The following MAP2K4 variants were observed in gnomAD, a reference collection of about 807,000 sequenced individuals.
The protein encoded by MAP2K4 is dual specificity mitogen-activated protein kinase kinase 4.
Under a neutral mutation model 48.5 loss-of-function variants are expected in MAP2K4, and 4 were observed. The ratio of observed to expected loss-of-function variants is 0.08; its 90% CI spans 0.04 to 0.19. MAP2K4 has a LOEUF of 0.19. Ranked by LOEUF, MAP2K4 falls within the 10% of genes least tolerant of loss-of-function variation. MAP2K4 has a pLI of 1.00. For synonymous variants in MAP2K4, 166 were observed against 173.1 expected, an observed-to-expected ratio of 0.96 and a Z score of 0.32; for missense variants, 258 against 493.3, an observed-to-expected ratio of 0.52 and a Z score of 4.52.
intron 4 of MAP2K4, among the ~76,000 whole-genome samples, chr17:12,097,024 A>T (rs1396236047): frequency 4.6e-5 from 7 of 152,196 alleles, no homozygotes; most frequent in Non-Finnish European, 8.8e-5. Context: ...CCGTTACATC[A>T]GTATACAGTC....
chr17:12,022,839 A>T (rs1221164208), intron 1 of MAP2K4, among the ~76,000 whole-genome samples: 1 of 152,214 alleles, frequency 6.6e-6, no homozygotes, highest in Non-Finnish European at 1.5e-5. Context: ...GCTTGATAAG[A>T]TGGTCAGAGA....
intron 3 of MAP2K4, among the ~76,000 whole-genome samples, chr17:12,091,404 C>T (rs1971559551): frequency 6.6e-6 from 1 of 152,162 alleles, no homozygotes; most frequent in African/African-American, 2.4e-5. Context: ...ACAAGGGGAT[C>T]ATTTGTAACT....
chr17:12,095,938 T>C (rs1363087839), intron 4 of MAP2K4, among the ~76,000 whole-genome samples: 2 of 151,352 alleles, frequency 1.3e-5, no homozygotes, highest in African/African-American at 4.9e-5. Context: ...TATTTTAGTA[T>C]TGGTGGCTGT....
At chr17:12,073,967 G>A (rs946643955) in intron 2 of MAP2K4, among the ~76,000 whole-genome samples, 1 of 151,674 alleles carries the variant, frequency 6.6e-6, no homozygotes, top group Admixed American at 6.6e-5. Flanking sequence ...AGAGACGGGG[G>A]TTCACCATGT....
At chr17:12,047,786 TCTA>T (rs1218007368) in intron 1 of MAP2K4, among the ~76,000 whole-genome samples, 1 of 152,212 alleles carries the variant, frequency 6.6e-6, no homozygotes, top group Admixed American at 6.5e-5. Context: ...ACTTTTCATG[TCTA>T]CTGTTTGCCA....
intron 2 of MAP2K4, among the ~76,000 whole-genome samples, chr17:12,066,390 A>G (rs1193635000): frequency 6.6e-6 from 1 of 152,210 alleles, no homozygotes; most frequent in Non-Finnish European, 1.5e-5. Context: ...CATAATTTAT[A>G]TAGATCCTTA....
At chr17:12,095,822 T>A in intron 4 of MAP2K4, 128 bp downstream of exon 4, 1 of 1,164,416 alleles carries the variant, frequency 8.6e-7, no homozygotes, top group African/African-American at 1.5e-5. Flanking sequence ...TCTTAGTGTT[T>A]AACCATGGTA....
chr17:12,102,144 C>CAT (rs1163302505), intron 4 of MAP2K4, among the ~76,000 whole-genome samples: 3 of 151,816 alleles, frequency 2.0e-5, no homozygotes, highest in South Asian at 4.2e-4. Flanking sequence ...GTGGACTTTT[C>CAT]ATATATATAT....
At chr17:12,136,716 CATCATAAGTTT>C (rs1319412892) in intron 9 of MAP2K4, among the ~76,000 whole-genome samples, 1 of 152,142 alleles carries the variant, frequency 6.6e-6, no homozygotes, top group Non-Finnish European at 1.5e-5. Context: ...ACCCAAATAG[CATCATAAGTTT>C]ATACACTGAC....
At chr17:12,070,259 T>C (rs1474884361) in intron 2 of MAP2K4, among the ~76,000 whole-genome samples, 1 of 151,386 alleles carries the variant, frequency 6.6e-6, no homozygotes, top group African/African-American at 2.4e-5. Flanking sequence ...AGAAATCAAG[T>C]TCTCATGTGC....
At chr17:12,054,773 A>G (rs1970237496) in intron 1 of MAP2K4, 116 bp from the exon 2 acceptor site, 2 of 611,150 alleles carry the variant, frequency 3.3e-6, no homozygotes, top group Non-Finnish European at 3.0e-6. Flanking sequence ...ATTGTCCTAT[A>G]TTAACTGTTT....
At chr17:12,027,199 A>G (rs1159506760) in intron 1 of MAP2K4, among the ~76,000 whole-genome samples, 1 of 152,178 alleles carries the variant, frequency 6.6e-6, no homozygotes, top group Non-Finnish European at 1.5e-5. Flanking sequence ...GAAAGTATTC[A>G]AGTCGTAAGA....
At chr17:12,119,607 G>A (rs1597487341) in intron 7 of MAP2K4, among the ~76,000 whole-genome samples, 1 of 152,328 alleles carries the variant, frequency 6.6e-6, no homozygotes, top group African/African-American at 2.4e-5. Context: ...AAACAGAATT[G>A]TCATTCAACC....
In MAP2K4 at chr17:12,107,220, A is replaced by G. The variant is rs142051714; in HGVS notation, c.514-570A>G. On this transcript the variant is annotated intron_variant, in intron 4 of 10. Coordinates refer to ENST00000353533, the MANE Select transcript of MAP2K4 (RefSeq NM_003010.4). ...ATAATAAATAAGTAAATTACACTTT[A>G]TATTAGAGGATGATGAAGGCTTTAC... is the stretch of plus-strand genomic sequence containing the variant. 3.5e-3 allele frequency among the ~76,000 whole-genome samples: 533 copies of G among 152,200 alleles called. 4 individuals are homozygous for G. Among genetic ancestry groups the G allele is most frequent in the African/African-American group, 0.012 (515 of 41,540 alleles).
In MAP2K4 at chr17:12,063,728, T is replaced by C. The variant is rs575171808; in HGVS notation, c.218+8737T>C. Among the ~76,000 whole-genome samples, 314 of 152,018 alleles carry C rather than the reference T, an allele frequency of 2.1e-3. 2 individuals are homozygous for C. The highest frequency in any genetic ancestry group is 7.2e-3 in the African/African-American group (298 of 41,464). ...TGGCTCATGCCTGTAATCCTAGCAC[T>C]TTGGGAGGCCGAGGCAGGCGGGTCA... is the stretch of plus-strand genomic sequence containing the variant. On this transcript the variant is annotated intron_variant, in intron 2 of 10. Coordinates refer to ENST00000353533, the MANE Select transcript of MAP2K4 (RefSeq NM_003010.4).
At chr17:12,127,349 A>G (rs1972885764) in intron 8 of MAP2K4, among the ~76,000 whole-genome samples, 1 of 152,228 alleles carries the variant, frequency 6.6e-6, no homozygotes, top group Admixed American at 6.5e-5. Flanking sequence ...AGCAAGACCT[A>G]GAGCTTCCAG....
chr17:12,119,486 A>G (rs370087468), intron 7 of MAP2K4, among the ~76,000 whole-genome samples: 6 of 152,220 alleles, frequency 3.9e-5, no homozygotes, highest in Non-Finnish European at 5.9e-5. Context: ...TGTCAAAACA[A>G]CAGATGCTGG....
intron 4 of MAP2K4, among the ~76,000 whole-genome samples, chr17:12,102,016 C>T (rs1195281766): frequency 6.6e-6 from 1 of 152,066 alleles, no homozygotes; most frequent in Admixed American, 6.6e-5. Context: ...CCTTATTGCA[C>T]TGGCTGGAAC....
At chr17:12,041,790 A>G (rs192513138) in intron 1 of MAP2K4, among the ~76,000 whole-genome samples, 270 of 152,350 alleles carry the variant, frequency 1.8e-3, no homozygotes, top group Non-Finnish European at 3.0e-3. Context: ...TATTGAAGAA[A>G]TATTTGAGTT....
Sources: gnomAD v4.1 joint callset for allele counts (sites outside exome capture counted in the v4.1 genomes callset) on GRCh38, gnomAD v4.1.1 for gene constraint, MANE v1.5 for transcripts, NCBI Gene and HGNC (gene_info 2026-07-23, HGNC 2026-07-21) for gene names.